The following IKZF1 variants were observed in gnomAD, a reference collection of about 807,000 sequenced individuals.
IKZF1 encodes IKAROS family zinc finger 1, also known as DNA-binding protein Ikaros.
A neutral mutation model predicts 51.7 loss-of-function variants in IKZF1; 10 were observed. The ratio of observed to expected loss-of-function variants is 0.19; its 90% CI spans 0.12 to 0.33. The LOEUF (loss-of-function observed/expected upper bound fraction) is 0.33, where lower values mean the gene tolerates loss of function less well. Ranked by LOEUF, IKZF1 falls within the 10% of genes least tolerant of loss-of-function variation. The pLI is 1.00. For synonymous variants in IKZF1, 280 were observed against 282.3 expected, an observed-to-expected ratio of 0.99 and a Z score of 0.08; for missense variants, 484 against 707.5, an observed-to-expected ratio of 0.68 and a Z score of 3.58.
chr7:50,356,879 C>G (rs565864865), intron 3 of IKZF1, among the ~76,000 whole-genome samples: 13 of 151,924 alleles, frequency 8.6e-5, no homozygotes, highest in African/African-American at 2.9e-4. Flanking sequence ...GACGGTGTCT[C>G]TGGATATGGA....
At chr7:50,368,188 T>C (rs997378379) in intron 3 of IKZF1, 3 of 703,406 alleles carry the variant, frequency 4.3e-6, no homozygotes, top group Non-Finnish European at 5.2e-6. Flanking sequence ...GTTCTATTCG[T>C]TAGACACCTA....
intron 3 of IKZF1, among the ~76,000 whole-genome samples, chr7:50,362,211 A>G (rs1048457291): frequency 3.3e-5 from 5 of 152,216 alleles, no homozygotes; most frequent in African/African-American, 1.2e-4. Flanking sequence ...TTTGGCCATC[A>G]CTGACATGTC....
At chr7:50,336,682 A>G (rs1797867415) in intron 3 of IKZF1, among the ~76,000 whole-genome samples, 1 of 152,228 alleles carries the variant, frequency 6.6e-6, no homozygotes, top group Admixed American at 6.5e-5. Context: ...AGGCGGTTCC[A>G]TCCGTTGGCT....
At chr7:50,333,502 A>G (rs935561606) in intron 3 of IKZF1, among the ~76,000 whole-genome samples, 11 of 152,174 alleles carry the variant, frequency 7.2e-5, no homozygotes, top group Non-Finnish European at 1.5e-4. Context: ...AGCTAGAGGA[A>G]GTTGTTTTTA....
intron 3 of IKZF1, among the ~76,000 whole-genome samples, chr7:50,334,636 T>G (rs1797203736): frequency 6.7e-6 from 1 of 150,252 alleles, no homozygotes; most frequent in African/African-American, 2.4e-5. Flanking sequence ...TATATGTGTA[T>G]GGGATGTGTG....
intron 3 of IKZF1, chr7:50,369,693 C>T (rs1189244878): frequency 7.6e-6 from 3 of 396,870 alleles, no homozygotes; most frequent in Non-Finnish European, 1.3e-5. Context: ...AAAAACAACC[C>T]CTTTCACCCC....
intron 3 of IKZF1, among the ~76,000 whole-genome samples, chr7:50,352,957 A>G (rs1802234711): frequency 6.6e-6 from 1 of 152,194 alleles, no homozygotes; most frequent in Non-Finnish European, 1.5e-5. Context: ...ATATTTTAAG[A>G]ATTTTTTTAT....
intron 2 of IKZF1, among the ~76,000 whole-genome samples, chr7:50,320,114 G>A (rs79229391): frequency 1.8e-3 from 268 of 152,238 alleles, no homozygotes; most frequent in African/African-American, 5.9e-3. Context: ...CAGGTGCAAA[G>A]AACAAACAAA....
chr7:50,335,915 T>G (rs1797662880), intron 3 of IKZF1, among the ~76,000 whole-genome samples: 1 of 151,878 alleles, frequency 6.6e-6, no homozygotes, highest in Non-Finnish European at 1.5e-5. Context: ...GTTCCTTCAT[T>G]GTGAGGTGAG....
At chr7:50,312,467 A>G (rs1197707325) in intron 1 of IKZF1, among the ~76,000 whole-genome samples, 1 of 152,240 alleles carries the variant, frequency 6.6e-6, no homozygotes, top group Non-Finnish European at 1.5e-5. Context: ...TCTTGCAGCA[A>G]CAAACGTGAA....
At chr7:50,327,842 C>A (rs988112742) in intron 3 of IKZF1, 85 bp downstream of exon 3, 2 of 1,375,276 alleles carry the variant, frequency 1.5e-6, no homozygotes, top group Non-Finnish European at 2.0e-6. Flanking sequence ...GGATGCAAGT[C>A]ATTTTATCCA....
chr7:50,382,373 G>A (rs756875224), intron 4 of IKZF1, among the ~76,000 whole-genome samples, 167 bp from the exon 5 acceptor site: 1 of 152,216 alleles, frequency 6.6e-6, no homozygotes, highest in Non-Finnish European at 1.5e-5. Context: ...GACCCAGCCA[G>A]TGAAGCGTTA....
chr7:50,372,361 C>T (rs1014797230), intron 3 of IKZF1, among the ~76,000 whole-genome samples: 1 of 152,260 alleles, frequency 6.6e-6, no homozygotes, highest in Non-Finnish European at 1.5e-5. Context: ...CCACCAAATC[C>T]TGCCAGCACC....
chr7:50,364,295 A>G (rs1466000650), intron 3 of IKZF1, among the ~76,000 whole-genome samples: 3 of 152,232 alleles, frequency 2.0e-5, no homozygotes, highest in South Asian at 2.1e-4. Flanking sequence ...ATGTTCATCA[A>G]TTTGGCAATT....
chr7:50,374,183 C>T (rs1450673034), intron 3 of IKZF1, among the ~76,000 whole-genome samples: 2 of 152,200 alleles, frequency 1.3e-5, no homozygotes, highest in Admixed American at 6.5e-5. Context: ...ACTGGCAGTA[C>T]AATCAGCCCT....
At chr7:50,377,249 G>A (rs1324412178) in intron 4 of IKZF1, 5 of 157,808 alleles carry the variant, frequency 3.2e-5, no homozygotes, top group Non-Finnish European at 7.0e-5. Context: ...TTGATGTTTA[G>A]AAACAATAAT....
chr7:50,400,376 C>T lies in IKZF1; in HGVS notation c.1309C>T (p.Leu437=), dbSNP rs759481470. The T allele has an allele frequency of 1.2e-6, 2 of 1,613,092 alleles. No individual in the cohort carries two copies. Among genetic ancestry groups the T allele is most frequent in the Non-Finnish European group, 8.5e-7 (1 of 1,179,794 alleles). Residue 437 remains leucine, a synonymous_variant, in exon 8 of 8, where the codon CTG becomes TTG. Coordinates refer to ENST00000331340, the MANE Select transcript of IKZF1 (RefSeq NM_006060.6). The surrounding 1 kb of genome is among the most constrained non-coding windows in gnomAD (Gnocchi z 5.4). ...CAAGGAGGAGCACCGCGCCTACGAC[C>T]TGCTGCGCGCCGCCTCCGAGAACTC... ...SLKEEHRAYD[L]LRAASENSQD...
chr7:50,385,119 T>C (rs767411169), intron 5 of IKZF1, among the ~76,000 whole-genome samples: 2 of 152,232 alleles, frequency 1.3e-5, no homozygotes, highest in African/African-American at 4.8e-5. Context: ...TGTGTATTTC[T>C]ATTCTGGATC....
At chr7:50,350,029 C>T (rs1216574811) in intron 3 of IKZF1, among the ~76,000 whole-genome samples, 1 of 152,214 alleles carries the variant, frequency 6.6e-6, no homozygotes, top group Non-Finnish European at 1.5e-5. Context: ...ACCCCCACAT[C>T]AGTAGAGATG....
Sources: allele counts gnomAD v4.1 joint callset (sites outside exome capture counted in the v4.1 genomes callset), GRCh38; gene constraint gnomAD v4.1.1; non-coding constraint Gnocchi (gnomAD v3.1); transcripts MANE v1.5; gene names NCBI Gene and HGNC (gene_info 2026-07-23, HGNC 2026-07-21).